Variants in CUX2 observed in about 807,000 individuals in gnomAD.
CUX2 encodes cut like homeobox 2.
A neutral mutation model predicts 144.8 loss-of-function variants in CUX2; 40 were observed. That is an observed-to-expected ratio of 0.28 (90% CI 0.21 to 0.36). CUX2 has a LOEUF of 0.36. Ranked by LOEUF, CUX2 falls within the 10% of genes least tolerant of loss-of-function variation. The probability of loss-of-function intolerance (pLI) is 1.00; values close to 1 mark genes in which losing one functional copy is unlikely to be tolerated. For missense variants in CUX2, 1,615 were observed against 1,994.0 expected, an observed-to-expected ratio of 0.81 and a Z score of 3.62; for synonymous variants, 827 against 875.6, an observed-to-expected ratio of 0.94 and a Z score of 0.98.
chr12:111,269,433 G>A (rs78641411), intron 4 of CUX2, among the ~76,000 whole-genome samples: 2,817 of 152,234 alleles, frequency 0.019, 77 homozygotes, highest in African/African-American at 0.064. Context: ...CTGTGTGCCC[G>A]GCACTTGCTG....
chr12:111,145,966 A>C (rs1283327492), intron 1 of CUX2, among the ~76,000 whole-genome samples: 1 of 152,068 alleles, frequency 6.6e-6, no homozygotes, highest in Non-Finnish European at 1.5e-5. Context: ...CGGCCTCCCA[A>C]AGTGCTGGGA....
At chr12:111,100,225 G>C (rs1873134226) in intron 1 of CUX2, 1 of 360,688 alleles carries the variant, frequency 2.8e-6, no homozygotes, top group South Asian at 2.1e-5. Context: ...GCTTGTGTCT[G>C]TGTGTGTCCT....
intron 4 of CUX2, among the ~76,000 whole-genome samples, chr12:111,284,404 C>G (rs1246139274): frequency 6.6e-6 from 1 of 152,174 alleles, no homozygotes; most frequent in Non-Finnish European, 1.5e-5. Flanking sequence ...CTCAAAGCAG[C>G]CTGGTCCAGG....
At chr12:111,203,535 ACT>A (rs1158337720) in intron 1 of CUX2, among the ~76,000 whole-genome samples, 2 of 147,844 alleles carry the variant, frequency 1.4e-5, no homozygotes, top group East Asian at 2.0e-4. Context: ...ACAGAGCAAG[ACT>A]CTCTCTCAAA....
chr12:111,121,698 T>C (rs945606114), intron 1 of CUX2, among the ~76,000 whole-genome samples: 4 of 152,098 alleles, frequency 2.6e-5, no homozygotes, highest in Admixed American at 6.5e-5. Context: ...CTTTACCCAG[T>C]AATTGGACTT....
At chr12:111,319,257 T>A (rs568782979) in intron 16 of CUX2, among the ~76,000 whole-genome samples, 2 of 151,612 alleles carry the variant, frequency 1.3e-5, no homozygotes, top group African/African-American at 2.4e-5. Flanking sequence ...GAAACCAGCC[T>A]GGGCAACATG....
At chr12:111,126,979 C>A (rs913195488) in intron 1 of CUX2, among the ~76,000 whole-genome samples, 1 of 152,176 alleles carries the variant, frequency 6.6e-6, no homozygotes, top group Non-Finnish European at 1.5e-5. Flanking sequence ...TTCCTTGATA[C>A]CCTACAGCTT....
intron 1 of CUX2, among the ~76,000 whole-genome samples, chr12:111,056,259 G>A (rs76435760): frequency 0.011 from 1,660 of 152,274 alleles, 13 homozygotes; most frequent in Non-Finnish European, 0.017. Flanking sequence ...TTGTTGCTGG[G>A]TAGCAAGCCA....
chr12:111,349,416 A>G lies in CUX2; in HGVS notation c.*1091A>G, dbSNP rs1184427348. ...GGTCATCCCATGACCACTGAAGCTT[A>G]GTAACCAGCGCCAAAAAGTAGATTC... On this transcript the variant is annotated 3_prime_UTR_variant, in exon 22 of 22. Coordinates refer to ENST00000261726, the MANE Select transcript of CUX2 (RefSeq NM_015267.4). 1 of 152,220 alleles carries G rather than the reference A, an allele frequency of 6.6e-6. No individual in the cohort carries two copies. The highest frequency in any genetic ancestry group is 1.5e-5 in the Non-Finnish European group (1 of 68,042). The allele number at this position is 152,220 out of a possible 1,614,324, so 9.4% of individuals were successfully genotyped here.
At chr12:111,070,108 G>A (rs1362173508) in intron 1 of CUX2, among the ~76,000 whole-genome samples, 3 of 152,134 alleles carry the variant, frequency 2.0e-5, no homozygotes, top group Non-Finnish European at 4.4e-5. Flanking sequence ...GCTCTGCCTG[G>A]TCTTACAAGG....
At chr12:111,226,001 C>G (rs916479444) in intron 3 of CUX2, among the ~76,000 whole-genome samples, 1 of 152,186 alleles carries the variant, frequency 6.6e-6, no homozygotes, top group African/African-American at 2.4e-5. Flanking sequence ...CGGAGTGCAG[C>G]AGCGCAATCT....
At chr12:111,070,372 CCCTTCTTCCTT>C (rs1229445108) in intron 1 of CUX2, among the ~76,000 whole-genome samples, 7 of 144,802 alleles carry the variant, frequency 4.8e-5, no homozygotes, top group Admixed American at 2.7e-4. Context: ...CTCCCTCCCT[CCCTTCTTCCTT>C]CCTTCCTTCT....
chr12:111,238,981 GT>G (rs1882893144), intron 3 of CUX2, among the ~76,000 whole-genome samples: 1 of 152,196 alleles, frequency 6.6e-6, no homozygotes, highest in Non-Finnish European at 1.5e-5. Context: ...GGAGGCAGAG[GT>G]TGCAGTAAGC....
intron 1 of CUX2, among the ~76,000 whole-genome samples, chr12:111,141,609 G>T (rs531950899): frequency 8.5e-4 from 130 of 152,096 alleles, no homozygotes; most frequent in Non-Finnish European, 1.5e-3. Context: ...TTTTCCCCCA[G>T]GTCACACAGC....
intron 1 of CUX2, among the ~76,000 whole-genome samples, chr12:111,067,433 C>T (rs1313245941): frequency 1.3e-5 from 2 of 152,240 alleles, no homozygotes; most frequent in Non-Finnish European, 2.9e-5. Flanking sequence ...TGAAACCAGC[C>T]TGCAGGGAGA....
chr12:111,159,323 T>C (rs1877602929), intron 1 of CUX2, among the ~76,000 whole-genome samples: 1 of 129,332 alleles, frequency 7.7e-6, no homozygotes, highest in Non-Finnish European at 1.5e-5. Context: ...TGTTTTTTTT[T>C]TTTTTCCTAG....
chr12:111,096,377 T>C (rs1273927324), intron 1 of CUX2, among the ~76,000 whole-genome samples: 4 of 152,188 alleles, frequency 2.6e-5, no homozygotes, highest in African/African-American at 9.6e-5. Context: ...GCCAGTTGGG[T>C]TTACCCAAAT....
intron 1 of CUX2, among the ~76,000 whole-genome samples, chr12:111,195,391 A>G (rs1880174880): frequency 6.6e-6 from 1 of 152,174 alleles, no homozygotes; most frequent in East Asian, 1.9e-4. Flanking sequence ...AAAAAAAAAG[A>G]AACACAAAAC....
intron 19 of CUX2, among the ~76,000 whole-genome samples, chr12:111,335,611 T>A (rs1331658001): frequency 6.7e-6 from 1 of 149,598 alleles, no homozygotes; most frequent in Non-Finnish European, 1.5e-5. Context: ...CTCAGGAGGC[T>A]GAGGAGAATC....
Sources: allele counts gnomAD v4.1 joint callset (sites outside exome capture counted in the v4.1 genomes callset), GRCh38; gene constraint gnomAD v4.1.1; transcripts MANE v1.5; gene names NCBI Gene and HGNC (gene_info 2026-07-23, HGNC 2026-07-21).